Variants in UTRN observed in about 807,000 individuals in gnomAD.
UTRN encodes the protein utrophin.
UTRN carries 283 observed loss-of-function variants against 463.9 expected under a neutral mutation model. The ratio of observed to expected loss-of-function variants is 0.61; its 90% confidence interval spans 0.55 to 0.67. The LOEUF is 0.67. UTRN is among the 30% of genes least tolerant of loss of function. The pLI is 0.00. For synonymous variants in UTRN, 1,442 were observed against 1,431.5 expected, an observed-to-expected ratio of 1.01 and a Z score of -0.17; for missense variants, 3,922 against 4,084.3, an observed-to-expected ratio of 0.96 and a Z score of 1.08.
chr6:144,497,309 A>G (rs988533895), intron 33 of UTRN, among the ~76,000 whole-genome samples: 1 of 151,986 alleles, frequency 6.6e-6, no homozygotes, highest in Non-Finnish European at 1.5e-5. Flanking sequence ...GTCCAGGAGG[A>G]GAGATGAAGG....
intron 9 of UTRN, among the ~76,000 whole-genome samples, chr6:144,433,781 G>A (rs958238138): frequency 7.2e-5 from 11 of 151,760 alleles, no homozygotes; most frequent in African/African-American, 2.7e-4. Context: ...TTCCTAGATG[G>A]GATGGCGGCC....
chr6:144,312,493 T>C (rs894247578), intron 2 of UTRN, among the ~76,000 whole-genome samples: 1 of 151,654 alleles, frequency 6.6e-6, no homozygotes, highest in African/African-American at 2.4e-5. Flanking sequence ...TCCATACAAA[T>C]AATTATTATA....
intron 28 of UTRN, 120 bp downstream of exon 28, chr6:144,485,639 T>A: frequency 7.0e-7 from 1 of 1,423,608 alleles, no homozygotes; most frequent in Non-Finnish European, 9.5e-7. Context: ...TGGTTTTCAA[T>A]GTCACTTGCA....
At chr6:144,582,452 T>C (rs73595562) in intron 51 of UTRN, among the ~76,000 whole-genome samples, 2,906 of 152,230 alleles carry the variant, frequency 0.019, 97 homozygotes, top group African/African-American at 0.066. Flanking sequence ...CAGTAGAGAA[T>C]ATGTCTCAAG....
chr6:144,548,524 A>AT (rs970698849), intron 46 of UTRN, 116 bp from the exon 47 acceptor site: 33 of 971,370 alleles, frequency 3.4e-5, no homozygotes, highest in Non-Finnish European at 4.1e-5. Flanking sequence ...ACCTCTTAGA[A>AT]TTTTTTTTAC....
intron 74 of UTRN, among the ~76,000 whole-genome samples, chr6:144,848,985 C>A (rs1236762690): frequency 3.9e-5 from 6 of 151,928 alleles, no homozygotes; most frequent in Admixed American, 3.3e-4. Flanking sequence ...AAGACTCATG[C>A]AGTGTATGAG....
chr6:144,309,845 C>T (rs1806086899), intron 2 of UTRN, among the ~76,000 whole-genome samples: 3 of 152,332 alleles, frequency 2.0e-5, no homozygotes, highest in Admixed American at 2.0e-4. Context: ...TCCTGCCTGG[C>T]TTCATCTCCC....
chr6:144,557,380 G>T (rs1015446015), intron 50 of UTRN, 69 bp downstream of exon 50: 1 of 1,509,286 alleles, frequency 6.6e-7, no homozygotes, highest in Admixed American at 2.1e-5. Context: ...TGGCTTTCTC[G>T]TGGAAACCTG....
At chr6:144,419,319 C>T (rs995966278) in intron 3 of UTRN, among the ~76,000 whole-genome samples, 3 of 152,270 alleles carry the variant, frequency 2.0e-5, no homozygotes, top group Admixed American at 6.5e-5. Flanking sequence ...CTGAATCTAT[C>T]GCTGCCTGTG....
intron 50 of UTRN, among the ~76,000 whole-genome samples, chr6:144,561,194 C>A (rs1416294141): frequency 2.9e-5 from 3 of 102,692 alleles, no homozygotes; most frequent in Admixed American, 1.2e-4. Flanking sequence ...CACTCCAGGG[C>A]AAAAATAACA....
At chr6:144,683,327 A>C (rs1407705647) in intron 52 of UTRN, among the ~76,000 whole-genome samples, 3 of 152,252 alleles carry the variant, frequency 2.0e-5, no homozygotes, top group African/African-American at 7.2e-5. Context: ...TTCTCCCTGA[A>C]TTTACAGATC....
Position 144,436,010 on chromosome 6 carries a change from C to G in UTRN, c.931C>G (p.Leu311Val), listed in dbSNP as rs1786501232. 1 of 1,614,224 alleles carries G rather than the reference C, an allele frequency of 6.2e-7. No individual in the cohort carries two copies. Among genetic ancestry groups the G allele is most frequent in the East Asian group, 2.2e-5 (1 of 44,884 alleles). ...CACTGTCACTGAGGTTGACATGGAT[C>G]TGGACAGCTATCAGATTGCGTTGGA... ...PSTVTEVDMD[L>V]DSYQIALEEV... Residue 311 changes from leucine to valine, a missense_variant, in exon 10 of 75, where the codon CTG becomes GTG. This residue lies in a region of UTRN where 2,349 missense variants were observed against 2,303.8 expected (regional missense o/e 1.02). Transcript: ENST00000367545.
intron 21 of UTRN, 60 bp downstream of exon 21, chr6:144,459,414 C>T (rs1490178797): frequency 6.6e-7 from 1 of 1,504,346 alleles, no homozygotes; most frequent in Non-Finnish European, 8.9e-7. Context: ...ACATGACTCC[C>T]AACATTTAGA....
intron 64 of UTRN, among the ~76,000 whole-genome samples, chr6:144,798,270 T>C (rs1777405310): frequency 6.6e-6 from 1 of 152,206 alleles, no homozygotes; most frequent in South Asian, 2.1e-4. Context: ...CAGAAATGAT[T>C]CATCCATGAA....
rs145953955 is a variant in UTRN, at chr6:144,577,212, T to C, written c.7403T>C (p.Val2468Ala). ...CAAGAAGCAGAGACCACAGTGAATG[T>C]GCTTGTGGATGCCTCTCATCGGGAG... Reference protein sequence around the residue: ...WIQEAETTVNVLVDASHRENA... With the variant: ...WIQEAETTVNALVDASHRENA... Residue 2468 changes from valine (V) to alanine (A), a missense_variant, in exon 51 of 75, where the codon GTG becomes GCG. Transcript: ENST00000367545. 145 of 1,613,848 alleles carry C rather than the reference T, an allele frequency of 9.0e-5. No homozygotes were observed. Among genetic ancestry groups the C allele is most frequent in the Non-Finnish European group, 1.2e-4 (143 of 1,179,934 alleles).
At chr6:144,609,915 G>A (rs1337306407) in intron 51 of UTRN, among the ~76,000 whole-genome samples, 1 of 151,922 alleles carries the variant, frequency 6.6e-6, no homozygotes, top group East Asian at 1.9e-4. Flanking sequence ...AAAACTTATG[G>A]GATGCAGCAA....
At chr6:144,558,086 A>G (rs1405264548) in intron 50 of UTRN, among the ~76,000 whole-genome samples, 1 of 152,234 alleles carries the variant, frequency 6.6e-6, no homozygotes, top group Non-Finnish European at 1.5e-5. Flanking sequence ...ATCAAAACAC[A>G]TCTATTTTGA....
At chr6:144,622,334 A>G (rs919229981) in intron 51 of UTRN, among the ~76,000 whole-genome samples, 2 of 151,526 alleles carry the variant, frequency 1.3e-5, no homozygotes, top group South Asian at 2.1e-4. Context: ...TTACAGGCAT[A>G]TGCCACCATA....
intron 73 of UTRN, among the ~76,000 whole-genome samples, chr6:144,841,713 A>G (rs190595674): frequency 1.3e-5 from 2 of 152,314 alleles, no homozygotes; most frequent in Admixed American, 6.5e-5. Flanking sequence ...GTAATTTTAG[A>G]GAGATTTACT....
Sources: gnomAD v4.1 joint callset for allele counts (sites outside exome capture counted in the v4.1 genomes callset) on GRCh38, gnomAD v4.1.1 for gene constraint, gnomAD v4.1.1 regional missense constraint, MANE v1.5 for transcripts, NCBI Gene and HGNC (gene_info 2026-07-23, HGNC 2026-07-21) for gene names.